Variants in SLC16A14 observed in about 807,000 individuals in gnomAD.
SLC16A14 encodes the protein monocarboxylate transporter 14.
A neutral mutation model predicts 35.8 loss-of-function variants in SLC16A14; 14 were observed. The observed-to-expected ratio is 0.39, with a 90% CI of 0.26 to 0.61. The LOEUF is 0.61. Among genes scored for constraint, SLC16A14 ranks in the 20% least tolerant of loss-of-function variants. The pLI is 0.51. For missense variants in SLC16A14, 533 were observed against 655.0 expected, an observed-to-expected ratio of 0.81 and a Z score of 2.03; for synonymous variants, 248 against 258.9, an observed-to-expected ratio of 0.96 and a Z score of 0.40.
chr2:230,057,890 G>A (rs539752970), intron 2 of SLC16A14, among the ~76,000 whole-genome samples: 2 of 152,082 alleles, frequency 1.3e-5, no homozygotes, highest in Non-Finnish European at 2.9e-5. Flanking sequence ...TTAGCCGGGC[G>A]TGGTAGTGGG....
chr2:230,066,175 G>A (rs907096323), intron 1 of SLC16A14, among the ~76,000 whole-genome samples: 4 of 152,128 alleles, frequency 2.6e-5, no homozygotes, highest in East Asian at 3.9e-4. Flanking sequence ...GTGGTGGTGC[G>A]CACCTATACT....
intron 4 of SLC16A14, among the ~76,000 whole-genome samples, chr2:230,044,978 T>C (rs2077592001): frequency 6.6e-6 from 1 of 152,122 alleles, no homozygotes; most frequent in Non-Finnish European, 1.5e-5. Flanking sequence ...ATGTGTTCTG[T>C]TGCACCTGCC....
In SLC16A14 at chr2:230,066,174, C is replaced by T. The variant is rs1041637312; in HGVS notation, c.-15+2381G>A. On this transcript the variant is annotated intron_variant, in intron 1 of 4. Coordinates refer to ENST00000295190, the MANE Select transcript of SLC16A14 (RefSeq NM_152527.5). ...ACAAAAATTAGCCAGTGTGGTGGTG[C>T]GCACCTATACTCACAGCTATGCAGG... Among the ~76,000 whole-genome samples, 7 of 152,000 alleles carry T rather than the reference C, an allele frequency of 4.6e-5. No individual in the cohort carries two copies. In the East Asian group the frequency reaches 9.6e-4, roughly 21 times the overall value.
Position 230,045,855 on chromosome 2 carries a change from A to C in SLC16A14, c.1271T>G (p.Leu424Arg), listed in dbSNP as rs2077601079. ...LIGFSSGYFS[L>R]MPVVTEDLVG... is the part of the protein sequence containing the mutation. ...CAAGTCTTCAGTCACTACGGGCATT[A>C]GGGAGAAATAACCACTGGAAAACCC... Residue 424 changes from leucine to arginine, a missense_variant, in exon 4 of 5, where the codon CTA becomes CGA. By Grantham distance (102) the Leu-to-Arg change is moderately radical. Transcript: ENST00000295190. The C allele has an allele frequency of 1.2e-6, 2 of 1,614,060 alleles. No individual in the cohort carries two copies. Among genetic ancestry groups the C allele is most frequent in the East Asian group, 4.5e-5 (2 of 44,872 alleles).
At position 230,068,591 on chromosome 2, in the gene SLC16A14, C is replaced by T. The variant is rs566792526; in HGVS notation, c.-51G>A. ...CGCTGGGCTGCGGCCTCACTCGGCTCCACGCCCGGATCCTCGAACTTGCTG... is the reference window on the plus strand; with the variant it reads ...CGCTGGGCTGCGGCCTCACTCGGCTTCACGCCCGGATCCTCGAACTTGCTG... On this transcript the variant is annotated 5_prime_UTR_variant, in exon 1 of 5. Coordinates refer to ENST00000295190, the MANE Select transcript of SLC16A14 (RefSeq NM_152527.5). This position sits in a 1 kb window ranked among gnomAD's most constrained non-coding sequence, Gnocchi z 5.1. 2 of 152,932 alleles carry T rather than the reference C, an allele frequency of 1.3e-5. No homozygotes were observed. Among genetic ancestry groups the T allele is most frequent in the South Asian group, 2.1e-4 (1 of 4,830 alleles). The allele number at this position is 152,932 out of a possible 1,614,324, so 9.5% of individuals were successfully genotyped here. A position where few individuals can be genotyped will look rare whatever the true frequency, so the allele number is the denominator to read the frequency against.
Position 230,058,810 on chromosome 2 carries a change from T to A in SLC16A14, c.259+284A>T, listed in dbSNP as rs150013623. ...ACCATACCTGGCTAATTTTTATATTTTTAGTAGAGACAGGGTTTTGCCATG... is the reference window on the plus strand; with the variant it reads ...ACCATACCTGGCTAATTTTTATATTATTAGTAGAGACAGGGTTTTGCCATG... On this transcript the variant is annotated intron_variant, in intron 2 of 4. Transcript: ENST00000295190. Among the ~76,000 whole-genome samples, 1,052 of 152,224 alleles carry A rather than the reference T, an allele frequency of 6.9e-3. 15 individuals carry two copies. Among genetic ancestry groups the A allele is most frequent in the African/African-American group, 0.022 (927 of 41,540 alleles).
chr2:230,043,593 C>G (rs2077577155), intron 4 of SLC16A14, among the ~76,000 whole-genome samples: 1 of 152,210 alleles, frequency 6.6e-6, no homozygotes, highest in African/African-American at 2.4e-5. Context: ...GACATCTGAA[C>G]AGGTGAGGCT....
intron 4 of SLC16A14, among the ~76,000 whole-genome samples, chr2:230,045,049 G>T (rs551580811): frequency 6.6e-6 from 1 of 152,050 alleles, no homozygotes; most frequent in East Asian, 1.9e-4. Context: ...GCTTCCCTTG[G>T]GGGGAAACAA....
rs2077528117 is a variant in SLC16A14, at chr2:230,037,530, C to T, written c.1383G>A (p.Gly461=). The T allele has an allele frequency of 9.4e-6, 15 of 1,593,598 alleles. No individual in the cohort carries two copies. The highest frequency in any genetic ancestry group is 1.3e-5 in the Non-Finnish European group (15 of 1,173,562). The change falls in exon 5 of 5, where the codon GGG becomes GGA. Residue 461 remains glycine (G), a splice_region_variant and synonymous_variant. Coordinates refer to ENST00000295190, the MANE Select transcript of SLC16A14 (RefSeq NM_152527.5). ...ISALLGPPFA[G]WIYDITQKYD... ...ATTTTTGCGTGATGTCATAGATCCA[C>T]CCTACAAAACAAAAAAGAATATATT... is the stretch of plus-strand genomic sequence containing the variant.
chr2:230,060,242 C>G (rs1037608551), intron 1 of SLC16A14, among the ~76,000 whole-genome samples: 1 of 152,146 alleles, frequency 6.6e-6, no homozygotes. Flanking sequence ...AATGAACAGC[C>G]ATTGGACATA....
At chr2:230,066,811 G>A (rs1411534660) in intron 1 of SLC16A14, 29 of 273,090 alleles carry the variant, frequency 1.1e-4, no homozygotes, top group South Asian at 8.5e-4. Context: ...ATCTTTAGTA[G>A]AGAAGGGGTT....
rs1323856902 is a variant in SLC16A14, at chr2:230,068,555, C to G, written c.-15G>C. 1 of 152,812 alleles carries G rather than the reference C, an allele frequency of 6.5e-6. No homozygotes were observed. Among genetic ancestry groups the G allele is most frequent in the African/African-American group, 2.4e-5 (1 of 41,462 alleles). The allele number at this position is 152,812 out of a possible 1,614,324, so 9.5% of individuals were successfully genotyped here. A position where few individuals can be genotyped will look rare whatever the true frequency, so the allele number is the denominator to read the frequency against. ...GGCGCGCGCGGCCTCGGATACTCACCGCCCGAGGCCCGCTGGGCTGCGGCC... is the reference window on the plus strand; with the variant it reads ...GGCGCGCGCGGCCTCGGATACTCACGGCCCGAGGCCCGCTGGGCTGCGGCC... On this transcript the variant is annotated splice_region_variant and 5_prime_UTR_variant, in exon 1 of 5. Coordinates refer to ENST00000295190, the MANE Select transcript of SLC16A14 (RefSeq NM_152527.5). The surrounding 1 kb of genome is among the most constrained non-coding windows in gnomAD (Gnocchi z 5.1).
At chr2:230,053,684 G>C (rs1400307532) in intron 2 of SLC16A14, among the ~76,000 whole-genome samples, 1 of 152,178 alleles carries the variant, frequency 6.6e-6, no homozygotes, top group Admixed American at 6.5e-5. Flanking sequence ...GGGAGGCTGA[G>C]GCAGGAGAAT....
intron 2 of SLC16A14, among the ~76,000 whole-genome samples, chr2:230,051,207 CT>C (rs2077657147): frequency 6.6e-6 from 1 of 152,178 alleles, no homozygotes; most frequent in South Asian, 2.1e-4. Flanking sequence ...GTCATCCAAG[CT>C]AGAGTTCAGT....
intron 2 of SLC16A14, among the ~76,000 whole-genome samples, chr2:230,051,354 T>A (rs2077658268): frequency 6.6e-6 from 1 of 152,166 alleles, no homozygotes; most frequent in South Asian, 2.1e-4. Flanking sequence ...AGAGATAGGG[T>A]TTCGCCGTGT....
At chr2:230,042,741 G>A (rs1228052775) in intron 4 of SLC16A14, among the ~76,000 whole-genome samples, 10 of 152,200 alleles carry the variant, frequency 6.6e-5, no homozygotes, top group Admixed American at 6.5e-4. Context: ...TACAGAGGCT[G>A]GAAAGCAAAA....
intron 1 of SLC16A14, among the ~76,000 whole-genome samples, chr2:230,065,684 A>T (rs1395136745): frequency 6.6e-6 from 1 of 152,242 alleles, no homozygotes; most frequent in Non-Finnish European, 1.5e-5. Context: ...TTCTAGACCA[A>T]CTAGTTAATG....
intron 1 of SLC16A14, among the ~76,000 whole-genome samples, chr2:230,062,259 G>A (rs1197665320): frequency 1.3e-5 from 2 of 152,054 alleles, no homozygotes; most frequent in East Asian, 1.9e-4. Flanking sequence ...TGGACGGGTA[G>A]GAGAGAGGAG....
chr2:230,055,275 G>C (rs1311825416), intron 2 of SLC16A14, among the ~76,000 whole-genome samples: 1 of 152,206 alleles, frequency 6.6e-6, no homozygotes, highest in Non-Finnish European at 1.5e-5. Context: ...AAATAAAGGA[G>C]AGCTGTTACT....
Sources: gnomAD v4.1 joint callset for allele counts (sites outside exome capture counted in the v4.1 genomes callset) on GRCh38, gnomAD v4.1.1 for gene constraint, Gnocchi (gnomAD v3.1) non-coding constraint, MANE v1.5 for transcripts, NCBI Gene and HGNC (gene_info 2026-07-23, HGNC 2026-07-21) for gene names.